KANSL1: variants seen among roughly 807,000 people sequenced by gnomAD.
The protein encoded by KANSL1 is KAT8 regulatory NSL complex subunit 1, also known as MLL1/MLL complex subunit KANSL1.
KANSL1 carries 22 observed loss-of-function variants against 103.6 expected under a neutral mutation model. The ratio of observed to expected loss-of-function variants is 0.21; its 90% CI spans 0.15 to 0.30. The LOEUF (loss-of-function observed/expected upper bound fraction) is 0.30. KANSL1 is among the 10% of genes least tolerant of loss of function. The pLI, the probability that KANSL1 is intolerant of heterozygous loss-of-function variation, is 1.00. For synonymous variants in KANSL1, 600 were observed against 527.6 expected (o/e 1.14, Z -1.88); for missense variants, 1,337 against 1,399.8 (o/e 0.96, Z 0.72).
At position 46,171,509 on chromosome 17, in the gene KANSL1, T is replaced by G. The variant is rs141110759; in HGVS notation, c.635A>C (p.His212Pro). 2 of 1,613,980 alleles carry G rather than the reference T, an allele frequency of 1.2e-6. No individual in the cohort carries two copies. The highest frequency in any genetic ancestry group is 1.7e-6 in the Non-Finnish European group (2 of 1,180,000). Residue 212 changes from histidine (H) to proline (P), a missense_variant, in exon 2 of 15, where the codon CAT becomes CCT. By Grantham distance (77) the His-to-Pro change is moderately conservative (BLOSUM62 -2). Transcript: ENST00000432791. ...TGTGTGTTCTACATCAAGGCTTCTA[T>G]GTGGAAGAGTGCAATTGGTCATACC... Reference protein sequence around the residue: ...KGGMTNCTLPHRSLDVEHTTL... With the variant: ...KGGMTNCTLPPRSLDVEHTTL...
chr17:46,043,106 T>C (rs1238346005), intron 7 of KANSL1: 1 of 152,126 alleles, frequency 6.6e-6, no homozygotes, highest in African/African-American at 2.4e-5. Context: ...TGAGCTGGAA[T>C]GTATAAAAGA....
chr17:46,061,335 AATTTT>A (rs1363882153), intron 6 of KANSL1, among the ~76,000 whole-genome samples: 3 of 152,182 alleles, frequency 2.0e-5, no homozygotes, highest in African/African-American at 4.8e-5. Context: ...GGCTGGTACC[AATTTT>A]ATTTTAATAA....
intron 7 of KANSL1, chr17:46,044,175 G>A (rs902066231): frequency 1.1e-4 from 17 of 152,106 alleles, no homozygotes; most frequent in African/African-American, 3.4e-4. Context: ...TCAGCTAGAG[G>A]TCTCCTACAT....
At chr17:46,061,834 G>A (rs1285846901) in intron 6 of KANSL1, among the ~76,000 whole-genome samples, 1 of 152,144 alleles carries the variant, frequency 6.6e-6, no homozygotes, top group African/African-American at 2.4e-5. Context: ...GCTCACGCCT[G>A]TAATCCCAGC....
intron 2 of KANSL1, among the ~76,000 whole-genome samples, chr17:46,153,608 G>C (rs1046061615): frequency 6.6e-6 from 1 of 152,178 alleles, no homozygotes; most frequent in African/African-American, 2.4e-5. Context: ...TACATGGAAG[G>C]GCTGGCTACT....
chr17:46,213,362 G>A (rs1187234841), intron 1 of KANSL1, among the ~76,000 whole-genome samples: 6 of 152,154 alleles, frequency 3.9e-5, no homozygotes, highest in East Asian at 3.9e-4. Flanking sequence ...GAGTAGTGGC[G>A]TGATCTCAGC....
At chr17:46,209,731 T>G (rs1259862071) in intron 1 of KANSL1, among the ~76,000 whole-genome samples, 2 of 152,214 alleles carry the variant, frequency 1.3e-5, no homozygotes, top group East Asian at 3.9e-4. Context: ...TGACCTCAAG[T>G]GATTCACCCA....
intron 2 of KANSL1, among the ~76,000 whole-genome samples, chr17:46,095,692 GAT>G (rs1182564390): frequency 6.6e-6 from 1 of 152,140 alleles, no homozygotes; most frequent in Non-Finnish European, 1.5e-5. Context: ...AATACACAAA[GAT>G]TTCACCTACT....
At chr17:46,177,696 T>C (rs1036689568) in intron 1 of KANSL1, among the ~76,000 whole-genome samples, 11 of 152,122 alleles carry the variant, frequency 7.2e-5, no homozygotes, top group Non-Finnish European at 1.3e-4. Context: ...ATTACTTCTA[T>C]AATAAAATGG....
intron 1 of KANSL1, among the ~76,000 whole-genome samples, chr17:46,191,569 G>T (rs1034923535): frequency 6.6e-6 from 1 of 152,238 alleles, no homozygotes; most frequent in Admixed American, 6.5e-5. Context: ...CTTTCAAAAT[G>T]AAGTTCAGTA....
chr17:46,154,279 A>T lies in KANSL1; in HGVS notation c.1289+16576T>A, dbSNP rs567182895. ...GAAGTGGGGAAATGCTAACATTCTG[A>T]TTTGTCCCTTGACAAATGAGGGAGG... On this transcript the variant is annotated intron_variant, in intron 2 of 14. Coordinates refer to ENST00000432791, the MANE Select transcript of KANSL1 (RefSeq NM_015443.4). Among the ~76,000 whole-genome samples the T allele has an allele frequency of 7.2e-5, 11 of 152,346 alleles. No individual in the cohort carries two copies. The South Asian group carries it at 2.3e-3, about 32-fold the overall frequency.
intron 3 of KANSL1, 70 bp downstream of exon 3, chr17:46,094,490 A>G: frequency 6.6e-7 from 1 of 1,523,590 alleles, no homozygotes; most frequent in East Asian, 2.3e-5. Context: ...ACGAGGTGGG[A>G]GGGGATGTGA....
intron 2 of KANSL1, among the ~76,000 whole-genome samples, chr17:46,144,607 C>CA (rs1483448655): frequency 4.6e-5 from 7 of 152,066 alleles, no homozygotes; most frequent in Non-Finnish European, 1.0e-4. Context: ...CTGTATATGA[C>CA]AGGGGGTACC....
intron 2 of KANSL1, 152 bp from the exon 3 acceptor site, chr17:46,094,853 C>G: frequency 1.1e-6 from 1 of 870,914 alleles, no homozygotes; most frequent in Non-Finnish European, 1.8e-6. Context: ...ACACCTCCCG[C>G]TCATCAGGAT....
Position 46,052,963 on chromosome 17 carries a change from C to CAAAAAAAAAAAAAAAAAA in KANSL1, c.1849-2260_1849-2259insTTTTTTTTTTTTTTTTTT, listed in dbSNP as rs2077769956. ...TGGGAAAAAGAGTAAGATCCTGTCT[C>CAAAAAAAAAAAAAAAAAA]CAAAAAAAAAAAAAAAAAAAAAAAA... On this transcript the variant is annotated intron_variant, in intron 6 of 14. Transcript: ENST00000432791. 4.6e-5 allele frequency among the ~76,000 whole-genome samples: 2 copies of CAAAAAAAAAAAAAAAAAA among 43,140 alleles called. 1 individual carries two copies. The highest frequency in any genetic ancestry group is 2.0e-4 in the African/African-American group (2 of 9,806). 28.3% of individuals were successfully genotyped at this position (43,140 alleles called of 152,430 possible).
At chr17:46,180,438 C>T (rs1323546374) in intron 1 of KANSL1, among the ~76,000 whole-genome samples, 1 of 152,158 alleles carries the variant, frequency 6.6e-6, no homozygotes, top group African/African-American at 2.4e-5. Flanking sequence ...GCAGAGGTTG[C>T]AGTGAGCCGA....
upstream of KANSL1, among the ~76,000 whole-genome samples, chr17:46,198,024 C>T (rs2047670450): frequency 6.6e-6 from 1 of 152,132 alleles, no homozygotes; most frequent in African/African-American, 2.4e-5. Flanking sequence ...AAGCCTAGGC[C>T]ATTTAGTTTC....
intron 1 of KANSL1, among the ~76,000 whole-genome samples, chr17:46,181,091 CAA>C (rs1297786150): frequency 2.0e-5 from 3 of 152,192 alleles, no homozygotes; most frequent in Non-Finnish European, 1.5e-5. Context: ...AAATAATAGT[CAA>C]AGTCTCTACC....
chr17:46,082,850 TACTAGACTCC>T (rs751605925), intron 3 of KANSL1, among the ~76,000 whole-genome samples: 1 of 152,176 alleles, frequency 6.6e-6, no homozygotes, highest in Non-Finnish European at 1.5e-5. Context: ...TATACCATAT[TACTAGACTCC>T]ACTAGATTAA....
Sources: gnomAD v4.1 joint callset for allele counts (sites outside exome capture counted in the v4.1 genomes callset) on GRCh38, gnomAD v4.1.1 for gene constraint, MANE v1.5 for transcripts, NCBI Gene and HGNC (gene_info 2026-07-23, HGNC 2026-07-21) for gene names.